AGMO: variants seen among roughly 807,000 people sequenced by gnomAD.
The protein encoded by AGMO is alkylglycerol monooxygenase, also known as glyceryl-ether monooxygenase.
Under a neutral mutation model 60.2 loss-of-function variants are expected in AGMO, and 75 were observed. That is an observed-to-expected ratio of 1.25 (90% CI 1.03 to 1.51). The LOEUF (loss-of-function observed/expected upper bound fraction) is 1.51. Among genes scored for constraint, AGMO ranks in the 40% most tolerant of loss-of-function variants. The probability of loss-of-function intolerance (pLI) is 0.00; values close to 1 mark genes in which losing one functional copy is unlikely to be tolerated. For missense variants in AGMO, 763 were observed against 525.5 expected, an observed-to-expected ratio of 1.45 and a Z score of -4.42; for synonymous variants, 261 against 177.1, an observed-to-expected ratio of 1.47 and a Z score of -3.76.
At chr7:15,424,233 C>A (rs1031382108) in intron 4 of AGMO, among the ~76,000 whole-genome samples, 2 of 151,972 alleles carry the variant, frequency 1.3e-5, no homozygotes, top group South Asian at 2.1e-4. Context: ...CAAGTAAAAC[C>A]ATCACCTTGA....
chr7:15,151,356 T>C, the AGMO span, among the ~76,000 whole-genome samples: 1 of 152,226 alleles, frequency 6.6e-6, no homozygotes, highest in African/African-American at 2.4e-5. Context: ...TTTCTTTTTT[T>C]CTGCTAGCTT....
chr7:15,395,014 C>T (rs1039249109), intron 5 of AGMO, among the ~76,000 whole-genome samples: 1 of 152,090 alleles, frequency 6.6e-6, no homozygotes, highest in Admixed American at 6.6e-5. Context: ...AGTATAGCAG[C>T]CCAGATGTAA....
intron 12 of AGMO, among the ~76,000 whole-genome samples, chr7:15,327,715 GA>G (rs1453159763): frequency 6.9e-6 from 1 of 145,634 alleles, no homozygotes; most frequent in Non-Finnish European, 1.5e-5. Context: ...AGGTTTTCAT[GA>G]AAAAATGATA....
At chr7:15,198,245 G>GAGAGAGAC (rs1781182052), downstream of AGMO, among the ~76,000 whole-genome samples, 1 of 94,386 alleles carries the variant, frequency 1.1e-5, no homozygotes, top group Admixed American at 1.2e-4. Flanking sequence ...GAGAGAGAGA[G>GAGAGAGAC]AGAGAGAGAG....
chr7:15,348,057 AG>A (rs1319887080), intron 12 of AGMO, among the ~76,000 whole-genome samples: 1 of 152,090 alleles, frequency 6.6e-6, no homozygotes, highest in Non-Finnish European at 1.5e-5. Context: ...TTGATCTTCC[AG>A]GGTAACTTGG....
chr7:15,477,028 C>G (rs1023649637), intron 3 of AGMO, among the ~76,000 whole-genome samples: 1 of 152,052 alleles, frequency 6.6e-6, no homozygotes, highest in African/African-American at 2.4e-5. Flanking sequence ...TCCTAATAAT[C>G]TGAGGGTCCT....
chr7:15,302,787 G>A lies in AGMO; in HGVS notation c.1263+62727C>T, dbSNP rs139861961. Reference sequence around the variant, plus strand: ...GTACGGTTGCTGGAATACAGTATGTGTTCAATTCATGTAAGTCATGGAGCA... The same window carrying A: ...GTACGGTTGCTGGAATACAGTATGTATTCAATTCATGTAAGTCATGGAGCA... On this transcript the variant is annotated intron_variant, in intron 12 of 12. Coordinates refer to ENST00000342526, the MANE Select transcript of AGMO (RefSeq NM_001004320.2). Among the ~76,000 whole-genome samples the A allele has an allele frequency of 2.6e-5, 4 of 152,182 alleles. No individual in the cohort carries two copies. In the East Asian group the frequency reaches 5.8e-4, roughly 22 times the overall value.
intron 12 of AGMO, among the ~76,000 whole-genome samples, chr7:15,309,035 G>T (rs1318649365): frequency 6.6e-6 from 1 of 152,064 alleles, no homozygotes; most frequent in African/African-American, 2.4e-5. Context: ...CAAGTATTCA[G>T]GCACTGGGCT....
At chr7:15,427,460 A>T (rs11975362) in intron 4 of AGMO, among the ~76,000 whole-genome samples, 81,081 of 151,902 alleles carry the variant, frequency 0.53, 21,811 homozygotes, top group Middle Eastern at 0.68. Flanking sequence ...TTTATTTAGA[A>T]TTCACTAGTT....
intron 12 of AGMO, among the ~76,000 whole-genome samples, chr7:15,245,165 T>C (rs574555042): frequency 6.6e-6 from 1 of 152,306 alleles, no homozygotes; most frequent in Non-Finnish European, 1.5e-5. Flanking sequence ...GTACATTATA[T>C]GGTACATTTC....
chr7:15,457,555 T>C (rs1301277386), intron 3 of AGMO, among the ~76,000 whole-genome samples: 1 of 152,206 alleles, frequency 6.6e-6, no homozygotes, highest in Non-Finnish European at 1.5e-5. Context: ...TGGTTTATTT[T>C]AAATGTATTA....
chr7:15,454,728 A>G (rs1481507607), intron 3 of AGMO, among the ~76,000 whole-genome samples: 1 of 152,140 alleles, frequency 6.6e-6, no homozygotes, highest in Non-Finnish European at 1.5e-5. Flanking sequence ...TATGATCACC[A>G]TCGTTTCAAA....
intron 3 of AGMO, among the ~76,000 whole-genome samples, chr7:15,522,948 C>T (rs1784041085): frequency 6.6e-6 from 1 of 152,130 alleles, no homozygotes; most frequent in Admixed American, 6.5e-5. Flanking sequence ...ATCTATCCAT[C>T]TGACAAAGGG....
At chr7:15,459,448 C>A (rs1782079350) in intron 3 of AGMO, among the ~76,000 whole-genome samples, 1 of 152,064 alleles carries the variant, frequency 6.6e-6, no homozygotes. Flanking sequence ...GGTTATGTTC[C>A]GAATGCTCTC....
chr7:15,373,675 A>G (rs1302018151), intron 10 of AGMO, among the ~76,000 whole-genome samples: 2 of 152,136 alleles, frequency 1.3e-5, no homozygotes, highest in Admixed American at 6.6e-5. Context: ...ACATCCTAAA[A>G]TAACAGTATG....
intron 12 of AGMO, among the ~76,000 whole-genome samples, chr7:15,327,917 C>A (rs1054907921): frequency 6.7e-6 from 1 of 149,792 alleles, no homozygotes. Context: ...AGGTGTATGC[C>A]ATGTTGCCGG....
chr7:15,370,962 C>T (rs796569612), intron 10 of AGMO, among the ~76,000 whole-genome samples: 18 of 151,966 alleles, frequency 1.2e-4, no homozygotes, highest in African/African-American at 4.1e-4. Flanking sequence ...AAATTATTTC[C>T]CTAGGCCAAT....
chr7:15,150,119 A>G, the AGMO span, among the ~76,000 whole-genome samples: 7 of 151,990 alleles, frequency 4.6e-5, no homozygotes, highest in African/African-American at 7.2e-5. Context: ...TGGTCCAAGT[A>G]GCATAGAAAT....
chr7:15,323,280 A>C, intron 12 of AGMO, among the ~76,000 whole-genome samples: 1 of 152,130 alleles, frequency 6.6e-6, no homozygotes, highest in East Asian at 1.9e-4. Context: ...TTCCAATAGT[A>C]ATTAATTCTG....
Sources: gnomAD v4.1 joint callset for allele counts (sites outside exome capture counted in the v4.1 genomes callset) on GRCh38, gnomAD v4.1.1 for gene constraint, MANE v1.5 for transcripts, NCBI Gene and HGNC (gene_info 2026-07-23, HGNC 2026-07-21) for gene names.